Variants in MED17 observed in about 807,000 individuals in gnomAD.
The protein encoded by MED17 is mediator of RNA polymerase II transcription subunit 17.
MED17 carries 49 observed loss-of-function variants against 80.8 expected under a neutral mutation model. The ratio of observed to expected loss-of-function variants is 0.61; its 90% CI spans 0.48 to 0.77. The LOEUF (loss-of-function observed/expected upper bound fraction) is 0.77. Among genes scored for constraint, MED17 ranks in the 30% least tolerant of loss-of-function variants. MED17 has a pLI of 0.00. For missense variants in MED17, 718 were observed against 787.0 expected (o/e 0.91, Z 1.05); for synonymous variants, 281 against 280.4 (o/e 1.00, Z -0.02).
At chr11:93,784,788 G>A (rs1447072941) in intron 1 of MED17, 25 bp downstream of exon 1, 2 of 1,534,394 alleles carry the variant, frequency 1.3e-6, no homozygotes, top group South Asian at 2.4e-5. Context: ...CGCTGCCCGA[G>A]TCCCCCGGTC....
chr11:93,805,303 G>A (rs1398550588), intron 9 of MED17, among the ~76,000 whole-genome samples: 2 of 152,190 alleles, frequency 1.3e-5, no homozygotes, highest in East Asian at 3.8e-4. Flanking sequence ...GGTTAAAAGA[G>A]AAGGACATTT....
rs1414235166 is a variant in MED17, at chr11:93,794,957, A to T, written c.909A>T (p.Leu303Phe). 1.2e-6 allele frequency: 2 copies of T among 1,614,056 alleles called. No homozygotes were observed. Among genetic ancestry groups the T allele is most frequent in the African/African-American group, 2.7e-5 (2 of 74,936 alleles). Reference protein sequence around the residue: ...TKLEAAQNVLLCKEIFAQLSR... With the variant: ...TKLEAAQNVLFCKEIFAQLSR... ...TAGAAGCGGCACAGAATGTTCTCTT[A>T]TGTAAAGAAATTTTTGCACAGCTCT... Residue 303 changes from leucine (L) to phenylalanine (F), a missense_variant, in exon 6 of 12, where the codon TTA (leucine) becomes TTT (phenylalanine). Coordinates refer to ENST00000251871, the MANE Select transcript of MED17 (RefSeq NM_004268.5).
chr11:93,786,804 T>C (rs1356197026), intron 1 of MED17, among the ~76,000 whole-genome samples: 2 of 152,150 alleles, frequency 1.3e-5, no homozygotes, highest in Non-Finnish European at 2.9e-5. Flanking sequence ...TGATTCACTA[T>C]TACCACGACT....
chr11:93,801,805 A>C, intron 8 of MED17, 30 bp from the exon 9 acceptor site: 1 of 1,606,448 alleles, frequency 6.2e-7, no homozygotes, highest in South Asian at 1.1e-5. Flanking sequence ...TGGTGACTTA[A>C]AAAGTTTTTT....
rs1215328722 is a variant in MED17, at chr11:93,794,994, G to A, written c.946G>A (p.Val316Ile). The A allele has an allele frequency of 6.2e-7, 1 of 1,614,050 alleles. No individual in the cohort carries two copies. Among genetic ancestry groups the A allele is most frequent in the East Asian group, 2.2e-5 (1 of 44,890 alleles). The change falls in exon 6 of 12, where the codon GTT becomes ATT. Residue 316 changes from valine to isoleucine, a missense_variant. Coordinates refer to ENST00000251871, the MANE Select transcript of MED17 (RefSeq NM_004268.5). Reference sequence around the variant, plus strand: ...TTTTGCACAGCTCTCTCGGGAAGCTGTTCAAATTAAATCACAAGTCCCTCA... The same window carrying A: ...TTTTGCACAGCTCTCTCGGGAAGCTATTCAAATTAAATCACAAGTCCCTCA... ...EIFAQLSREA[V>I]QIKSQVPHIV...
At chr11:93,790,883 G>T in intron 3 of MED17, 90 bp downstream of exon 3, 2 of 1,123,714 alleles carry the variant, frequency 1.8e-6, no homozygotes. Context: ...AAGGCAGTTG[G>T]ATCACTTGAG....
chr11:93,793,769 A>G lies in MED17; in HGVS notation c.679A>G (p.Asn227Asp), dbSNP rs534823110. Residue 227 changes from asparagine to aspartate, a missense_variant, in exon 4 of 12, where the codon AAT (asparagine) becomes GAT (aspartate). Transcript: ENST00000251871. ...PHHGTFEVIK[N>D]TDLDLDKKIP... ...TCATGGTACATTTGAAGTAATAAAGAATACAGATCTCGATCTGGATAAAAA... is the reference window on the plus strand; with the variant it reads ...TCATGGTACATTTGAAGTAATAAAGGATACAGATCTCGATCTGGATAAAAA... 4.4e-6 allele frequency: 7 copies of G among 1,590,420 alleles called. No homozygotes were observed. The South Asian group carries it at 6.6e-5, about 15-fold the overall frequency.
At position 93,797,504 on chromosome 11, in the gene MED17, T is replaced by G. The variant is rs761721812; in HGVS notation, c.1144-31T>G. ...TATTATGTAGCATTTACTATGTGGA[T>G]ATTGGTATTTAAAATGGCTGTTTTT... On this transcript the variant is annotated intron_variant, in intron 7 of 11. Transcript: ENST00000251871. The G allele has an allele frequency of 1.2e-5, 19 of 1,574,774 alleles. No homozygotes were observed. The East Asian group carries it at 1.8e-4, about 15-fold the overall frequency.
At chr11:93,785,152 G>C (rs891888608) in intron 1 of MED17, among the ~76,000 whole-genome samples, 7 of 152,244 alleles carry the variant, frequency 4.6e-5, no homozygotes, top group Non-Finnish European at 8.8e-5. Context: ...TGTGAATGAT[G>C]ATAGTAGCAC....
chr11:93,784,841 G>T, intron 1 of MED17, 78 bp downstream of exon 1: 1 of 1,515,356 alleles, frequency 6.6e-7, no homozygotes, highest in Non-Finnish European at 8.8e-7. Context: ...TCCCGCGATG[G>T]GGGTGATCTT....
intron 2 of MED17, 108 bp from the exon 3 acceptor site, chr11:93,790,466 C>A: frequency 1.1e-6 from 1 of 889,452 alleles, no homozygotes; most frequent in Non-Finnish European, 1.9e-6. Context: ...TGTGTACTTG[C>A]CCCTCCTTTT....
At chr11:93,799,805 G>A (rs1943942689) in intron 8 of MED17, among the ~76,000 whole-genome samples, 1 of 152,088 alleles carries the variant, frequency 6.6e-6, no homozygotes, top group Admixed American at 6.5e-5. Context: ...TGATGTGTAT[G>A]ATAACATGCA....
chr11:93,797,503 A>G, intron 7 of MED17, 32 bp from the exon 8 acceptor site: 1 of 1,572,350 alleles, frequency 6.4e-7, no homozygotes, highest in South Asian at 1.1e-5. Context: ...TACTATGTGG[A>G]TATTGGTATT....
At chr11:93,786,821 T>G (rs1943775627) in intron 1 of MED17, among the ~76,000 whole-genome samples, 1 of 152,278 alleles carries the variant, frequency 6.6e-6, no homozygotes, top group South Asian at 2.1e-4. Context: ...GACTAAAAAT[T>G]TAACCTGCAG....
intron 11 of MED17, chr11:93,811,525 C>T (rs1944085556): frequency 2.6e-5 from 8 of 305,410 alleles, no homozygotes; most frequent in South Asian, 2.4e-4. Context: ...CCAAAAAAAG[C>T]TTTGTGTTTT....
chr11:93,785,994 ACT>A (rs1350149763), intron 1 of MED17, among the ~76,000 whole-genome samples: 2 of 115,836 alleles, frequency 1.7e-5, no homozygotes, highest in African/African-American at 5.3e-5. Flanking sequence ...ACAGAACAAG[ACT>A]CTAACATCCA....
Position 93,813,863 on chromosome 11 carries a change from G to C in MED17, c.*1799G>C, listed in dbSNP as rs1944108975. 6.6e-6 allele frequency: 1 copy of C among 152,102 alleles called. No homozygotes were observed. The highest frequency in any genetic ancestry group is 6.5e-5 in the Admixed American group (1 of 15,274). 9.4% of individuals were successfully genotyped at this position (152,102 alleles called of 1,614,324 possible). On this transcript the variant is annotated 3_prime_UTR_variant, in exon 12 of 12. Transcript: ENST00000251871. ...CTCCCGAGTAACTGGGATTACAGGT[G>C]TGTGCCACCACGACCGTCTAATTTT... is the stretch of plus-strand genomic sequence containing the variant.
intron 7 of MED17, 119 bp downstream of exon 7, chr11:93,796,659 C>T: frequency 8.5e-7 from 1 of 1,177,666 alleles, no homozygotes; most frequent in Non-Finnish European, 1.3e-6. Flanking sequence ...CATTCACTGT[C>T]TGATGTGAAA....
chr11:93,792,318 C>G (rs549865627), intron 3 of MED17, among the ~76,000 whole-genome samples: 1 of 152,142 alleles, frequency 6.6e-6, no homozygotes, highest in South Asian at 2.1e-4. Flanking sequence ...TATTTTGAAT[C>G]CTGAAGGTTA....
Sources: allele counts gnomAD v4.1 joint callset (sites outside exome capture counted in the v4.1 genomes callset), GRCh38; gene constraint gnomAD v4.1.1; transcripts MANE v1.5; gene names NCBI Gene and HGNC (gene_info 2026-07-23, HGNC 2026-07-21).